Variants in POU6F2 observed in about 807,000 individuals in gnomAD.
The protein encoded by POU6F2 is POU domain, class 6, transcription factor 2.
Under a neutral mutation model 71.3 loss-of-function variants are expected in POU6F2, and 31 were observed. The observed-to-expected ratio is 0.43, with a 90% CI of 0.33 to 0.59. POU6F2 has a LOEUF of 0.59. Among genes scored for constraint, POU6F2 ranks in the 20% least tolerant of loss-of-function variants. The pLI, the probability that POU6F2 is intolerant of heterozygous loss-of-function variation, is 0.04. For synonymous variants in POU6F2, 347 were observed against 355.7 expected, an observed-to-expected ratio of 0.98 and a Z score of 0.27; for missense variants, 783 against 856.8, an observed-to-expected ratio of 0.91 and a Z score of 1.07.
intron 4 of POU6F2, among the ~76,000 whole-genome samples, chr7:39,247,100 G>C (rs1203450937): frequency 1.3e-5 from 2 of 151,618 alleles, no homozygotes; most frequent in African/African-American, 4.8e-5. Context: ...TCTGTGCGTG[G>C]GTGCTTCCTC....
chr7:39,021,306 T>C (rs1423041541), intron 1 of POU6F2, among the ~76,000 whole-genome samples: 1 of 151,938 alleles, frequency 6.6e-6, no homozygotes, highest in Non-Finnish European at 1.5e-5. Flanking sequence ...TTTGAAAGTT[T>C]TGCATGTTAT....
At chr7:39,360,673 A>G (rs1003912397) in intron 5 of POU6F2, among the ~76,000 whole-genome samples, 2 of 152,214 alleles carry the variant, frequency 1.3e-5, no homozygotes, top group African/African-American at 2.4e-5. Context: ...TAAAGAATGA[A>G]AGAATGGCTA....
chr7:39,160,976 AT>A (rs1285023022), intron 2 of POU6F2, among the ~76,000 whole-genome samples: 1 of 152,160 alleles, frequency 6.6e-6, no homozygotes, highest in African/African-American at 2.4e-5. Flanking sequence ...AGCCGTTGAT[AT>A]CTTTCATTAG....
chr7:39,419,850 T>TAGC (rs759361055), intron 6 of POU6F2, among the ~76,000 whole-genome samples: 17 of 152,146 alleles, frequency 1.1e-4, no homozygotes, highest in Non-Finnish European at 1.5e-4. Flanking sequence ...TTCTTCAGAT[T>TAGC]AGCAGCAGCA....
chr7:39,331,428 A>G (rs1785646471), intron 4 of POU6F2, among the ~76,000 whole-genome samples: 2 of 152,114 alleles, frequency 1.3e-5, no homozygotes, highest in African/African-American at 4.8e-5. Flanking sequence ...GTCCTCACCA[A>G]TGCTTGTTTT....
rs147880889 is a variant in POU6F2 at position 39,104,790 on chromosome 7, A to C, written c.277+18759A>C. Among the ~76,000 whole-genome samples the C allele has an allele frequency of 5.0e-3, 769 of 152,296 alleles. 5 individuals carry two copies. The highest frequency in any genetic ancestry group is 8.3e-3 in the Non-Finnish European group (567 of 68,010). On this transcript the variant is annotated intron_variant, in intron 2 of 9. Coordinates refer to ENST00000518318, the MANE Select transcript of POU6F2 (RefSeq NM_001370959.1). ...AAAGTAATATTACTTCTACATATTTATTTCTTTTCTGTCTCATAAACTTAA... is the reference window on the plus strand; with the variant it reads ...AAAGTAATATTACTTCTACATATTTCTTTCTTTTCTGTCTCATAAACTTAA...
intron 1 of POU6F2, among the ~76,000 whole-genome samples, chr7:39,085,297 A>G (rs1364038297): frequency 6.6e-6 from 1 of 152,170 alleles, no homozygotes; most frequent in African/African-American, 2.4e-5. Flanking sequence ...CATAAGAAAT[A>G]TCTTTTATTC....
At chr7:39,350,703 T>G (rs1052699970) in intron 5 of POU6F2, among the ~76,000 whole-genome samples, 3 of 152,240 alleles carry the variant, frequency 2.0e-5, no homozygotes, top group Admixed American at 6.5e-5. Context: ...TTATTTTCAT[T>G]GCTAGTGAGC....
intron 1 of POU6F2, among the ~76,000 whole-genome samples, chr7:39,078,646 G>T (rs1482538520): frequency 6.6e-6 from 1 of 152,172 alleles, no homozygotes; most frequent in Admixed American, 6.5e-5. Flanking sequence ...CAAACCTGGG[G>T]CGGAGCTCAC....
Position 39,460,922 on chromosome 7 carries a change from G to A in POU6F2, c.1658+207G>A, listed in dbSNP as rs740510. On this transcript the variant is annotated intron_variant, in intron 9 of 9. Transcript: ENST00000518318. This position sits in a 1 kb window ranked among gnomAD's most constrained non-coding sequence, Gnocchi z 4.4. ...TGGGGGTCCTGGCTTGATAACTCCT[G>A]TCAACTCACAAAGAACTTCCAAGGC... 0.32 allele frequency among the ~76,000 whole-genome samples: 48,232 copies of A among 151,858 alleles called. 8,329 individuals are homozygous for A. The highest frequency in any genetic ancestry group is 0.56 in the East Asian group (2,853 of 5,132).
intron 8 of POU6F2, among the ~76,000 whole-genome samples, chr7:39,459,836 T>G (rs1184849033): frequency 6.6e-6 from 1 of 152,184 alleles, no homozygotes; most frequent in Non-Finnish European, 1.5e-5. Flanking sequence ...TTTCCCTTGA[T>G]AAGTCCTAAA....
At chr7:39,405,572 GA>G (rs1186105697) in intron 5 of POU6F2, among the ~76,000 whole-genome samples, 3 of 152,026 alleles carry the variant, frequency 2.0e-5, no homozygotes, top group South Asian at 4.1e-4. Context: ...ACTATATGGG[GA>G]AAAAAATAAC....
intron 1 of POU6F2, among the ~76,000 whole-genome samples, chr7:39,074,843 A>C (rs1225836758): frequency 6.6e-6 from 1 of 152,174 alleles, no homozygotes; most frequent in Non-Finnish European, 1.5e-5. Flanking sequence ...AAAATTTCTT[A>C]TTATTACTAA....
At chr7:39,221,590 G>A (rs1460593651) in intron 4 of POU6F2, among the ~76,000 whole-genome samples, 1 of 151,954 alleles carries the variant, frequency 6.6e-6, no homozygotes, top group African/African-American at 2.4e-5. Context: ...GTTTCACCAT[G>A]TTGGCCAGGC....
chr7:39,416,090 G>GCA (rs1245211895), intron 6 of POU6F2, among the ~76,000 whole-genome samples: 8 of 69,966 alleles, frequency 1.1e-4, no homozygotes, highest in East Asian at 3.2e-4. Context: ...TCTCTCGAAG[G>GCA]CATACACACA....
intron 2 of POU6F2, among the ~76,000 whole-genome samples, chr7:39,134,687 T>A (rs1525794): frequency 0.44 from 66,611 of 151,950 alleles, 15,039 homozygotes; most frequent in East Asian, 0.69. Context: ...CCCACTCCAA[T>A]CTGTGTGCAA....
At chr7:39,043,888 A>T (rs1790241144) in intron 1 of POU6F2, among the ~76,000 whole-genome samples, 1 of 151,880 alleles carries the variant, frequency 6.6e-6, no homozygotes, top group Non-Finnish European at 1.5e-5. Context: ...GGTTTTCAGG[A>T]ATCCCATAAT....
In POU6F2 at chr7:39,207,636, C is replaced by G; in HGVS notation, c.598+16C>G. 6.2e-7 allele frequency: 1 copy of G among 1,606,184 alleles called. No individual in the cohort carries two copies. The highest frequency in any genetic ancestry group is 8.5e-7 in the Non-Finnish European group (1 of 1,174,864). ...AATCTACAAGGTAATCCATAATGTCCATGCGCCACGTAAGGCTCTACCCGT... is the reference window on the plus strand; with the variant it reads ...AATCTACAAGGTAATCCATAATGTCGATGCGCCACGTAAGGCTCTACCCGT... On this transcript the variant is annotated intron_variant, in intron 4 of 9. Coordinates refer to ENST00000518318, the MANE Select transcript of POU6F2 (RefSeq NM_001370959.1).
At chr7:39,446,446 C>T (rs1032875456) in intron 7 of POU6F2, among the ~76,000 whole-genome samples, 2 of 152,202 alleles carry the variant, frequency 1.3e-5, no homozygotes, top group Admixed American at 6.5e-5. Context: ...ACACTTGCCA[C>T]CCCACTTATT....
Sources: allele counts gnomAD v4.1 joint callset (sites outside exome capture counted in the v4.1 genomes callset), GRCh38; gene constraint gnomAD v4.1.1; non-coding constraint Gnocchi (gnomAD v3.1); transcripts MANE v1.5; gene names NCBI Gene and HGNC (gene_info 2026-07-23, HGNC 2026-07-21).